Variants in SLC24A1 observed in about 807,000 individuals in gnomAD.
SLC24A1 encodes the protein sodium/potassium/calcium exchanger 1.
SLC24A1 carries 52 observed loss-of-function variants against 88.1 expected under a neutral mutation model. That is an observed-to-expected ratio of 0.59 (90% CI 0.47 to 0.74). SLC24A1 has a LOEUF of 0.74. Ranked by LOEUF, SLC24A1 falls within the 30% of genes least tolerant of loss-of-function variation. The pLI is 0.00. For missense variants in SLC24A1, 1,173 were observed against 1,363.3 expected (o/e 0.86, Z 2.20); for synonymous variants, 455 against 498.0 (o/e 0.91, Z 1.15).
chr15:65,626,515 A>G (rs1361914101), intron 2 of SLC24A1, among the ~76,000 whole-genome samples: 2 of 152,056 alleles, frequency 1.3e-5, no homozygotes, highest in Non-Finnish European at 2.9e-5. Context: ...GGAGGGTTTT[A>G]TATTTTTGTT....
upstream of SLC24A1, chr15:65,611,388 C>T: frequency 1.7e-6 from 1 of 596,378 alleles, no homozygotes; most frequent in South Asian, 2.0e-5. Context: ...GCTGGGTTTC[C>T]TGCCGTGTCT....
At chr15:65,642,856 G>A (rs1478040123) in intron 4 of SLC24A1, 1 of 446,922 alleles carries the variant, frequency 2.2e-6, no homozygotes, top group Non-Finnish European at 4.2e-6. Flanking sequence ...GCCAGGCAGA[G>A]CCTTTGATCC....
upstream of SLC24A1, among the ~76,000 whole-genome samples, chr15:65,619,795 C>T (rs148834496): frequency 6.6e-6 from 1 of 152,254 alleles, no homozygotes; most frequent in African/African-American, 2.4e-5. Context: ...GATCTGCCTT[C>T]CTCACCCCCT....
upstream of SLC24A1, among the ~76,000 whole-genome samples, chr15:65,618,635 G>A (rs1033464016): frequency 3.3e-5 from 5 of 152,126 alleles, no homozygotes; most frequent in Non-Finnish European, 7.4e-5. Context: ...CATCTTCACC[G>A]GTATCTTCGA....
At chr15:65,618,308 A>C (rs2074215191), upstream of SLC24A1, among the ~76,000 whole-genome samples, 1 of 152,202 alleles carries the variant, frequency 6.6e-6, no homozygotes, top group South Asian at 2.1e-4. Context: ...ATAATGTTAT[A>C]TATACTGTTC....
intron 1 of SLC24A1, among the ~76,000 whole-genome samples, 186 bp from the exon 2 acceptor site, chr15:65,623,769 T>A (rs932880496): frequency 1.3e-5 from 2 of 152,162 alleles, no homozygotes; most frequent in African/African-American, 4.8e-5. Flanking sequence ...CCCTAGGCAC[T>A]CTTTCTCTTA....
At chr15:65,626,579 A>G (rs2074526541) in intron 2 of SLC24A1, among the ~76,000 whole-genome samples, 1 of 152,154 alleles carries the variant, frequency 6.6e-6, no homozygotes, top group South Asian at 2.1e-4. Flanking sequence ...CTGACAAGCT[A>G]GCCCTGGGGA....
At chr15:65,619,028 G>A (rs2074236754), upstream of SLC24A1, 1 of 152,160 alleles carries the variant, frequency 6.6e-6, no homozygotes, top group Non-Finnish European at 1.5e-5. Flanking sequence ...AGGATGTTTG[G>A]GGACTTATTT....
intron 1 of SLC24A1, 58 bp from the exon 2 acceptor site, chr15:65,623,897 G>A: frequency 1.8e-6 from 1 of 540,962 alleles, no homozygotes; most frequent in Admixed American, 3.5e-5. Flanking sequence ...ATATGAGGGT[G>A]TTATGGATCC....
intron 6 of SLC24A1, among the ~76,000 whole-genome samples, chr15:65,648,324 C>T (rs1275790806): frequency 6.6e-6 from 1 of 152,170 alleles, no homozygotes; most frequent in African/African-American, 2.4e-5. Context: ...ACTCAACATC[C>T]TTTGGGGGTT....
Position 65,625,547 on chromosome 15 carries a change from G to C in SLC24A1, c.1467G>C (p.Gln489His). 6.2e-7 allele frequency: 1 copy of C among 1,614,076 alleles called. No homozygotes were observed. Among genetic ancestry groups the C allele is most frequent in the Non-Finnish European group, 8.5e-7 (1 of 1,179,906 alleles). The change falls in exon 2 of 10, where the codon CAG becomes CAC. Residue 489 changes from glutamine to histidine, a missense_variant. By Grantham distance (24) the Gln-to-His change is conservative. Coordinates refer to ENST00000261892, the MANE Select transcript of SLC24A1 (RefSeq NM_004727.3). ...PALGVITDKL[Q>H]ISEDVAGATF... is the part of the protein sequence containing the mutation. ...TGGGTGTCATCACAGACAAGCTGCA[G>C]ATCTCCGAGGATGTGGCAGGCGCCA...
At chr15:65,617,271 A>G (rs2074177240), upstream of SLC24A1, among the ~76,000 whole-genome samples, 1 of 152,202 alleles carries the variant, frequency 6.6e-6, no homozygotes, top group African/African-American at 2.4e-5. Context: ...GAAGAAAGTC[A>G]TTGGTAGCTT....
rs555836968 is a variant in SLC24A1, at chr15:65,655,107, A to G, written c.*1028A>G. 2 of 1,009,140 alleles carry G rather than the reference A, an allele frequency of 2.0e-6. No individual in the cohort carries two copies. Among genetic ancestry groups the G allele is most frequent in the South Asian group, 8.0e-5 (2 of 25,130 alleles). The allele number at this position is 1,009,140 out of a possible 1,614,324, so 62.5% of individuals were successfully genotyped here. A position where few individuals can be genotyped will look rare whatever the true frequency, so the allele number is the denominator to read the frequency against. ...CATGCAAATTCATGTTGTCTCCATC[A>G]GTGGTCACCTTGAGGGATTAGACAT... is the stretch of plus-strand genomic sequence containing the variant. On this transcript the variant is annotated 3_prime_UTR_variant, in exon 10 of 10. Transcript: ENST00000261892.
chr15:65,651,034 A>T, intron 7 of SLC24A1, 92 bp downstream of exon 7: 1 of 1,104,914 alleles, frequency 9.1e-7, no homozygotes. Context: ...GAGGAGGAAG[A>T]GGCCAGGGAC....
Position 65,624,877 on chromosome 15 carries a change from CA to C in SLC24A1, c.800del (p.Asn267ThrfsTer3). 1 of 1,614,016 alleles carries C rather than the reference CA, an allele frequency of 6.2e-7. No individual in the cohort carries two copies. Among genetic ancestry groups the C allele is most frequent in the African/African-American group, 1.3e-5 (1 of 75,048 alleles). Reference sequence around the variant, plus strand: ...ACTTTTCTGACACATGAGGTAGAAGCAAACGTCTTGACTTCTCCAAGGAGCG... The same window carrying C: ...ACTTTTCTGACACATGAGGTAGAAGCAACGTCTTGACTTCTCCAAGGAGCG... ...TPTFLTHEVE[A>X]NVLTSPRSVM... On this transcript the variant is annotated frameshift_variant, in exon 2 of 10. Coordinates refer to ENST00000261892, the MANE Select transcript of SLC24A1 (RefSeq NM_004727.3). LOFTEE classifies it high-confidence loss of function.
rs35141100 is a variant in SLC24A1, at chr15:65,613,480, T to TTGTGTGTGTG, written c.-228+882_-228+891dup. 5.6e-3 allele frequency among the ~76,000 whole-genome samples: 842 copies of TTGTGTGTGTG among 149,112 alleles called. 7 individuals carry two copies. The highest frequency in any genetic ancestry group is 0.02 in the African/African-American group (802 of 40,524). ...TTGCTGTTAAGTTCCCAGGGTGATT[T>TTGTGTGTGTG]TGTGTGTGTGTGTGTGTGTGTGTGG... On this transcript the variant is annotated intron_variant, in intron 2 of 11. Transcript: ENST00000537259.
intron 2 of SLC24A1, among the ~76,000 whole-genome samples, chr15:65,629,202 A>G (rs1265981775): frequency 3.3e-5 from 5 of 152,376 alleles, no homozygotes; most frequent in Non-Finnish European, 5.9e-5. Flanking sequence ...CACCCACCTG[A>G]TAGCTGTTGA....
chr15:65,622,224 T>C (rs2074343016), intron 1 of SLC24A1, 132 bp downstream of exon 1: 1 of 152,096 alleles, frequency 6.6e-6, no homozygotes, highest in South Asian at 2.1e-4. Context: ...TGCTGCAAAG[T>C]GTTGAGTTCA....
At position 65,655,748 on chromosome 15, in the gene SLC24A1, G is replaced by A. The variant is rs928109109; in HGVS notation, c.*1669G>A. 2.0e-6 allele frequency: 2 copies of A among 985,224 alleles called. No homozygotes were observed. The highest frequency in any genetic ancestry group is 1.7e-5 in the African/African-American group (1 of 57,218). 61.0% of individuals were successfully genotyped at this position (985,224 alleles called of 1,614,324 possible). A position where few individuals can be genotyped will look rare whatever the true frequency, so the allele number is the denominator to read the frequency against. ...TTGAATGATGGCTAAGGTGTTCCAA[G>A]TATTCCATCTTTTAAGATGAATTGC... On this transcript the variant is annotated 3_prime_UTR_variant, in exon 10 of 10. Transcript: ENST00000261892.
Sources: allele counts gnomAD v4.1 joint callset (sites outside exome capture counted in the v4.1 genomes callset), GRCh38; gene constraint gnomAD v4.1.1; transcripts MANE v1.5; gene names NCBI Gene and HGNC (gene_info 2026-07-23, HGNC 2026-07-21).